Variants in CTNNA2 observed in about 807,000 individuals in gnomAD.
The protein encoded by CTNNA2 is catenin alpha 2, also known as catenin alpha-2.
Under a neutral mutation model 101.0 loss-of-function variants are expected in CTNNA2, and 42 were observed. The observed-to-expected ratio is 0.42, with a 90% CI of 0.32 to 0.54. The LOEUF is 0.54. CTNNA2 is among the 20% of genes least tolerant of loss of function. CTNNA2 has a pLI of 0.14. For missense variants in CTNNA2, 871 were observed against 1,223.1 expected (o/e 0.71, Z 4.29); for synonymous variants, 450 against 456.4 (o/e 0.99, Z 0.18).
intron 1 of CTNNA2, among the ~76,000 whole-genome samples, chr2:79,589,600 T>C (rs1676713070): frequency 6.6e-6 from 1 of 152,116 alleles, no homozygotes; most frequent in African/African-American, 2.4e-5. Flanking sequence ...GTATACTTAA[T>C]ATGATAAAGA....
chr2:80,499,797 G>A (rs1687736429), intron 9 of CTNNA2, among the ~76,000 whole-genome samples: 1 of 152,010 alleles, frequency 6.6e-6, no homozygotes, highest in African/African-American at 2.4e-5. Context: ...CTCCAGCCTG[G>A]GTGACAACGT....
At chr2:79,706,070 A>C (rs1381873854) in intron 2 of CTNNA2, among the ~76,000 whole-genome samples, 1 of 152,146 alleles carries the variant, frequency 6.6e-6, no homozygotes, top group African/African-American at 2.4e-5. Flanking sequence ...CTTACTAAAA[A>C]TTAGCATGTG....
Position 79,874,258 on chromosome 2 carries a change from T to C in CTNNA2, c.768T>C (p.Asn256=). 1 of 1,614,058 alleles carries C rather than the reference T, an allele frequency of 6.2e-7. No individual in the cohort carries two copies. Among genetic ancestry groups the C allele is most frequent in the Non-Finnish European group, 8.5e-7 (1 of 1,180,012 alleles). The part of the protein sequence containing the change: ...QVQEAIAGIS[N]AAQATSPTDE... ...AGGAGGCCATCGCCGGCATCTCCAA[T>C]GCTGCTCAAGCTACCTCGCCCACTG... is the stretch of plus-strand genomic sequence containing the variant. The change falls in exon 6 of 19, where the codon AAT becomes AAC. Residue 256 remains asparagine, a synonymous_variant. Transcript: ENST00000402739.
chr2:79,436,693 G>T (rs908237644), intron 4 of CTNNA2, among the ~76,000 whole-genome samples: 1 of 151,592 alleles, frequency 6.6e-6, no homozygotes, highest in African/African-American at 2.4e-5. Context: ...GTGCAGTGGC[G>T]CAGTCTCGGC....
chr2:79,242,436 G>A (rs2104257484), intron 2 of CTNNA2, among the ~76,000 whole-genome samples: 2 of 152,176 alleles, frequency 1.3e-5, no homozygotes, highest in East Asian at 3.9e-4. Context: ...TAAAGTGGGG[G>A]CCGTCTTGTG....
chr2:79,842,501 A>G (rs1208409963), intron 3 of CTNNA2, among the ~76,000 whole-genome samples: 1 of 151,984 alleles, frequency 6.6e-6, no homozygotes, highest in African/African-American at 2.4e-5. Context: ...CATCATTGTT[A>G]TCATCATCAT....
At chr2:79,685,794 G>A (rs1683891982) in intron 2 of CTNNA2, among the ~76,000 whole-genome samples, 1 of 152,140 alleles carries the variant, frequency 6.6e-6, no homozygotes, top group Non-Finnish European at 1.5e-5. Context: ...AGAGTAAATA[G>A]GAACTAATCA....
intron 4 of CTNNA2, among the ~76,000 whole-genome samples, chr2:79,395,165 C>A (rs1021798291): frequency 1.3e-5 from 2 of 152,130 alleles, no homozygotes; most frequent in Non-Finnish European, 2.9e-5. Context: ...CACCACGATG[C>A]TATGTCCTAA....
At chr2:79,955,484 A>G (rs1689160501) in intron 7 of CTNNA2, among the ~76,000 whole-genome samples, 1 of 152,134 alleles carries the variant, frequency 6.6e-6, no homozygotes, top group African/African-American at 2.4e-5. Flanking sequence ...GGCAGTTGAA[A>G]TGCAGCTATC....
At chr2:80,112,245 A>T (rs367993970) in intron 7 of CTNNA2, among the ~76,000 whole-genome samples, 2 of 152,354 alleles carry the variant, frequency 1.3e-5, no homozygotes, top group East Asian at 3.9e-4. Flanking sequence ...ACATTTAAAA[A>T]ATAAAGATCT....
At chr2:79,965,752 A>T (rs1689993933) in intron 7 of CTNNA2, among the ~76,000 whole-genome samples, 1 of 140,680 alleles carries the variant, frequency 7.1e-6, no homozygotes, top group African/African-American at 2.6e-5. Flanking sequence ...TGACGCTAGG[A>T]GGCAGAGGTT....
chr2:80,437,393 G>C (rs61308592), intron 9 of CTNNA2, among the ~76,000 whole-genome samples: 34,365 of 151,984 alleles, frequency 0.23, 5,723 homozygotes, highest in African/African-American at 0.47. Context: ...GGAAAACAAG[G>C]GTTTAACATG....
chr2:79,331,746 A>G (rs939934544), intron 3 of CTNNA2, among the ~76,000 whole-genome samples: 18 of 152,138 alleles, frequency 1.2e-4, no homozygotes, highest in Admixed American at 1.3e-4. Context: ...TTCATCCACA[A>G]CCCTACATAT....
chr2:80,216,817 T>C (rs1708293203), intron 7 of CTNNA2, among the ~76,000 whole-genome samples: 1 of 151,020 alleles, frequency 6.6e-6, no homozygotes, highest in Non-Finnish European at 1.5e-5. Context: ...CTCCGGGGCC[T>C]GACTTAGCCT....
intron 7 of CTNNA2, among the ~76,000 whole-genome samples, chr2:80,237,930 G>A (rs1264816559): frequency 2.0e-5 from 3 of 152,130 alleles, no homozygotes; most frequent in African/African-American, 7.2e-5. Context: ...CCCAGTTGGT[G>A]ACAACTCTTC....
intron 2 of CTNNA2, among the ~76,000 whole-genome samples, chr2:79,205,575 G>C (rs1674090293): frequency 6.6e-6 from 1 of 152,130 alleles, no homozygotes; most frequent in African/African-American, 2.4e-5. Context: ...TCTTCAGCTT[G>C]ACTGCATGTA....
chr2:80,547,971 C>T (rs1189569495), intron 11 of CTNNA2, among the ~76,000 whole-genome samples: 1 of 152,072 alleles, frequency 6.6e-6, no homozygotes, highest in Non-Finnish European at 1.5e-5. Context: ...GTATTACAGG[C>T]GTGAGCCATC....
In CTNNA2 at chr2:79,208,651, G is replaced by C. The variant is rs369526467; in HGVS notation, c.-406+10575G>C. Reference sequence around the variant, plus strand: ...TCTTCAAGCTGAATCTTGGCTGTCAGTCAAGCTACACATCTTCTTTCAGGC... The same window carrying C: ...TCTTCAAGCTGAATCTTGGCTGTCACTCAAGCTACACATCTTCTTTCAGGC... On this transcript the variant is annotated intron_variant, in intron 2 of 21. Coordinates refer to the CTNNA2 transcript ENST00000466387. Among the ~76,000 whole-genome samples the C allele has an allele frequency of 2.6e-5, 4 of 152,298 alleles. No homozygotes were observed. In the East Asian group the frequency reaches 7.7e-4, roughly 29 times the overall value.
At chr2:79,466,235 T>G (rs1404577120) in intron 4 of CTNNA2, among the ~76,000 whole-genome samples, 2 of 152,216 alleles carry the variant, frequency 1.3e-5, no homozygotes, top group Non-Finnish European at 2.9e-5. Flanking sequence ...GATTATATCC[T>G]GCACCTGGCT....
Sources: gnomAD v4.1 joint callset for allele counts (sites outside exome capture counted in the v4.1 genomes callset) on GRCh38, gnomAD v4.1.1 for gene constraint, MANE v1.5 for transcripts, NCBI Gene and HGNC (gene_info 2026-07-23, HGNC 2026-07-21) for gene names.